The following TRMT10B variants were observed in gnomAD, a reference collection of about 807,000 sequenced individuals.
TRMT10B encodes the protein tRNA methyltransferase 10B.
In TRMT10B, 33 loss-of-function variants were observed where a neutral mutation model predicts 43.8. That is an observed-to-expected ratio of 0.75 (90% CI 0.57 to 1.01). The LOEUF is 1.01. Among genes scored for constraint, TRMT10B ranks in the 50% least tolerant of loss-of-function variants. The pLI, the probability that TRMT10B is intolerant of heterozygous loss-of-function variation, is 0.00. For missense variants in TRMT10B, 362 were observed against 369.8 expected, an observed-to-expected ratio of 0.98 and a Z score of 0.17; for synonymous variants, 137 against 130.6, an observed-to-expected ratio of 1.05 and a Z score of -0.34.
At chr9:37,765,187 GC>G (rs1826849768) in intron 4 of TRMT10B, among the ~76,000 whole-genome samples, 1 of 152,152 alleles carries the variant, frequency 6.6e-6, no homozygotes, top group African/African-American at 2.4e-5. Context: ...CCATGTTGGT[GC>G]TGCACCCATT....
intron 4 of TRMT10B, among the ~76,000 whole-genome samples, chr9:37,764,953 T>A (rs1423414572): frequency 2.6e-5 from 4 of 151,968 alleles, no homozygotes; most frequent in Admixed American, 6.5e-5. Context: ...AGGGGCTGTG[T>A]GAGGTGGGCT....
At chr9:37,758,878 G>A (rs907916075) in intron 1 of TRMT10B, among the ~76,000 whole-genome samples, 3 of 152,190 alleles carry the variant, frequency 2.0e-5, no homozygotes, top group African/African-American at 4.8e-5. Flanking sequence ...TAGTGACACG[G>A]AGCCCATACA....
chr9:37,762,612 G>C lies in TRMT10B; in HGVS notation c.222G>C (p.Lys74Asn). 6.3e-7 allele frequency: 1 copy of C among 1,597,696 alleles called. No individual in the cohort carries two copies. Among genetic ancestry groups the C allele is most frequent in the Non-Finnish European group, 8.5e-7 (1 of 1,171,372 alleles). The change falls in exon 3 of 9, where the codon AAG (lysine) becomes AAC (asparagine). Residue 74 changes from lysine (K) to asparagine (N), a missense_variant. Lys to Asn is a moderately conservative substitution (Grantham distance 94). Coordinates refer to ENST00000297994, the MANE Select transcript of TRMT10B (RefSeq NM_144964.4). ...AGAGAAAACAGAGACACTGGGAAAA[G>C]ATAGTTGCAGCAAAGAAGAGCAAAA... ...NVQRKQRHWE[K>N]IVAAKKSKRK...
chr9:37,773,241 A>G (rs1026276232), intron 7 of TRMT10B, among the ~76,000 whole-genome samples: 1 of 151,594 alleles, frequency 6.6e-6, no homozygotes, highest in Non-Finnish European at 1.5e-5. Flanking sequence ...CTGAGTACGT[A>G]GGACTATAGG....
rs182031797 is a variant in TRMT10B, at chr9:37,753,840, G to C, written c.-42G>C. 2.6e-5 allele frequency: 4 copies of C among 152,584 alleles called. No individual in the cohort carries two copies. The highest frequency in any genetic ancestry group is 5.9e-5 in the Non-Finnish European group (4 of 68,224). The allele number at this position is 152,584 out of a possible 1,614,324, so 9.5% of individuals were successfully genotyped here. A position where few individuals can be genotyped will look rare whatever the true frequency, so the allele number is the denominator to read the frequency against. ...TGCGCGCCGCTGCCGCTGCGTGGGGGTGAGGGGATCAGGTACGCTGTCCGC... is the reference window on the plus strand; with the variant it reads ...TGCGCGCCGCTGCCGCTGCGTGGGGCTGAGGGGATCAGGTACGCTGTCCGC... On this transcript the variant is annotated 5_prime_UTR_variant, in exon 1 of 9. Coordinates refer to ENST00000297994, the MANE Select transcript of TRMT10B (RefSeq NM_144964.4).
intron 1 of TRMT10B, among the ~76,000 whole-genome samples, chr9:37,761,094 C>A (rs1246588154): frequency 6.6e-6 from 1 of 152,166 alleles, no homozygotes; most frequent in Non-Finnish European, 1.5e-5. Flanking sequence ...CTGATACATA[C>A]CAACAACCTA....
At chr9:37,770,457 TG>T (rs1197517351) in intron 6 of TRMT10B, among the ~76,000 whole-genome samples, 1 of 152,274 alleles carries the variant, frequency 6.6e-6, no homozygotes, top group Non-Finnish European at 1.5e-5. Flanking sequence ...AATGTTGATT[TG>T]GGTCTGCTAC....
intron 8 of TRMT10B, among the ~76,000 whole-genome samples, chr9:37,776,791 CCA>C (rs1828202012): frequency 6.6e-6 from 1 of 151,730 alleles, no homozygotes; most frequent in Non-Finnish European, 1.5e-5. Flanking sequence ...ACCAATTATT[CCA>C]GAGGCTGAGG....
At chr9:37,770,822 T>TAG (rs1433900512) in intron 7 of TRMT10B, 83 bp downstream of exon 7, 1 of 1,429,612 alleles carries the variant, frequency 7.0e-7, no homozygotes, top group Non-Finnish European at 9.6e-7. Flanking sequence ...TAGTCTCCTC[T>TAG]AGAGGGTCTA....
In TRMT10B at chr9:37,763,865, A is replaced by G. The variant is rs1314763017; in HGVS notation, c.420+112A>G. 3.1e-6 allele frequency: 5 copies of G among 1,592,646 alleles called. No individual in the cohort carries two copies. The East Asian group carries it at 1.1e-4, about 36-fold the overall frequency. ...AGCTTCTGGGATTCCTTAGTAAACT[A>G]GTAAAGTGTTTGATTTTCTATACTG... On this transcript the variant is annotated intron_variant, in intron 4 of 8. Coordinates refer to ENST00000297994, the MANE Select transcript of TRMT10B (RefSeq NM_144964.4).
chr9:37,769,258 A>G (rs1370453817), intron 5 of TRMT10B, among the ~76,000 whole-genome samples: 1 of 133,708 alleles, frequency 7.5e-6, no homozygotes, highest in African/African-American at 2.7e-5. Context: ...CCGTGAGCTT[A>G]GATTATGCCA....
At chr9:37,755,291 AAGTT>A (rs1475207367) in intron 1 of TRMT10B, among the ~76,000 whole-genome samples, 5 of 108,284 alleles carry the variant, frequency 4.6e-5, no homozygotes, top group African/African-American at 1.6e-4. Context: ...TTTTTTTTTA[AAGTT>A]AGTTTCACTT....
chr9:37,776,451 T>C, intron 8 of TRMT10B, 46 bp downstream of exon 8: 2 of 1,580,680 alleles, frequency 1.3e-6, no homozygotes, highest in South Asian at 2.4e-5. Flanking sequence ...GTTCTGGTGC[T>C]GCTGCTTTGC....
intron 4 of TRMT10B, among the ~76,000 whole-genome samples, chr9:37,766,394 T>C (rs551604993): frequency 7.9e-5 from 12 of 152,348 alleles, no homozygotes; most frequent in Non-Finnish European, 1.2e-4. Flanking sequence ...GTTGTAGATA[T>C]ATGTGGCATT....
In TRMT10B at chr9:37,776,377, T is replaced by G; in HGVS notation, c.816T>G (p.Tyr272Ter). 6.2e-7 allele frequency: 1 copy of G among 1,612,014 alleles called. No homozygotes were observed. The highest frequency in any genetic ancestry group is 8.5e-7 in the Non-Finnish European group (1 of 1,179,118). Residue 272 changes from tyrosine (Y) to a stop codon, truncating the protein, a stop_gained, in exon 8 of 9, where the codon TAT becomes TAG. Transcript: ENST00000297994. LOFTEE classifies it high-confidence loss of function. ...TCAGAAACCAGAATGGGAAAAACTA[T>G]CATTCAGAGATACTGGCCATCAATC... ...YMVRNQNGKNYHSEILAINQV... is the reference protein window; with the variant it reads ...YMVRNQNGKN
intron 7 of TRMT10B, among the ~76,000 whole-genome samples, chr9:37,773,036 T>C (rs751019842): frequency 2.0e-5 from 3 of 152,242 alleles, no homozygotes; most frequent in Non-Finnish European, 4.4e-5. Context: ...TAGAATGTCA[T>C]TGTTCTTAGA....
chr9:37,773,287 T>C (rs981646114), intron 7 of TRMT10B, among the ~76,000 whole-genome samples: 13 of 148,188 alleles, frequency 8.8e-5, no homozygotes, highest in African/African-American at 2.9e-4. Context: ...TTTTTTTTTT[T>C]TTTCTGTATT....
intron 7 of TRMT10B, among the ~76,000 whole-genome samples, chr9:37,773,671 T>C (rs1827821686): frequency 6.6e-6 from 1 of 151,986 alleles, no homozygotes. Context: ...CTGTCTCTAC[T>C]AAAAACATAA....
chr9:37,761,886 A>G lies in TRMT10B; in HGVS notation c.-29-17A>G. 1 of 1,549,280 alleles carries G rather than the reference A, an allele frequency of 6.5e-7. No individual in the cohort carries two copies. Among genetic ancestry groups the G allele is most frequent in the Non-Finnish European group, 8.8e-7 (1 of 1,134,844 alleles). The stretch of plus-strand genomic sequence containing the variant: ...GTGAAATAATGTAATAGCTCACATA[A>G]TTGTGCCTTTTTCCAGTCTGGTGGA... On this transcript the variant is annotated splice_polypyrimidine_tract_variant and intron_variant, in intron 1 of 8. Transcript: ENST00000297994.
Sources: allele counts gnomAD v4.1 joint callset (sites outside exome capture counted in the v4.1 genomes callset), GRCh38; gene constraint gnomAD v4.1.1; transcripts MANE v1.5; gene names NCBI Gene and HGNC (gene_info 2026-07-23, HGNC 2026-07-21).